Variants in ANKRD30BL observed in about 807,000 individuals in gnomAD.
The protein encoded by ANKRD30BL is putative ankyrin repeat domain-containing protein 30B-like.
In ANKRD30BL, 20 loss-of-function variants were observed where a neutral mutation model predicts 18.4. That is an observed-to-expected ratio of 1.09 (90% CI 0.77 to 1.58). ANKRD30BL has a LOEUF of 1.58. ANKRD30BL is among the 40% of genes most tolerant of loss of function. The probability of loss-of-function intolerance (pLI) is 0.00; values close to 1 mark genes in which losing one functional copy is unlikely to be tolerated. For synonymous variants in ANKRD30BL, 72 were observed against 100.9 expected, an observed-to-expected ratio of 0.71 and a Z score of 1.72; for missense variants, 224 against 268.6, an observed-to-expected ratio of 0.83 and a Z score of 1.16.
intron 1 of ANKRD30BL, among the ~76,000 whole-genome samples, chr2:132,226,907 G>C (rs1198968330): frequency 1.3e-5 from 2 of 151,952 alleles, no homozygotes; most frequent in Non-Finnish European, 1.5e-5. Flanking sequence ...AAACTTCTTT[G>C]TGATGTTTGC....
intron 1 of ANKRD30BL, among the ~76,000 whole-genome samples, chr2:132,195,640 A>C (rs1258810779): frequency 1.3e-5 from 2 of 151,526 alleles, no homozygotes; most frequent in African/African-American, 4.9e-5. Flanking sequence ...AAAATTCAAA[A>C]ATTAGCAGGG....
intron 1 of ANKRD30BL, among the ~76,000 whole-genome samples, chr2:132,206,457 T>C (rs1420206759): frequency 2.0e-5 from 3 of 152,184 alleles, no homozygotes; most frequent in Admixed American, 6.5e-5. Context: ...TCTTCCACTT[T>C]CTGGTTATAT....
chr2:132,230,857 C>T (rs377529504), intron 1 of ANKRD30BL, among the ~76,000 whole-genome samples: 36 of 148,362 alleles, frequency 2.4e-4, no homozygotes, highest in Admixed American at 1.4e-3. Flanking sequence ...GAAACTTCTT[C>T]GTGATGTGTG....
At chr2:132,219,171 T>C (rs1044606655) in intron 1 of ANKRD30BL, among the ~76,000 whole-genome samples, 3 of 152,112 alleles carry the variant, frequency 2.0e-5, no homozygotes, top group African/African-American at 7.2e-5. Context: ...AGAAGCATTC[T>C]CAGAAACTTC....
At chr2:132,233,526 G>T (rs1680077061) in intron 1 of ANKRD30BL, among the ~76,000 whole-genome samples, 1 of 145,338 alleles carries the variant, frequency 6.9e-6, no homozygotes, top group African/African-American at 2.5e-5. Context: ...AAAAGGCAGG[G>T]GTTGCAATCC....
At chr2:132,182,348 G>A (rs1444510955) in intron 1 of ANKRD30BL, among the ~76,000 whole-genome samples, 1 of 151,794 alleles carries the variant, frequency 6.6e-6, no homozygotes, top group Non-Finnish European at 1.5e-5. Context: ...CAGGTGTGGT[G>A]GTGGGTGCCT....
rs532314910 is a variant in ANKRD30BL, at chr2:132,196,387, T to C, written n.442-39241A>G. 7.4e-4 allele frequency among the ~76,000 whole-genome samples: 112 copies of C among 152,014 alleles called. No individual in the cohort carries two copies. In the East Asian group the frequency reaches 0.016, roughly 22 times the overall value. Reference sequence around the variant, plus strand: ...AGAGAATTGATAGAACCCTGGGGGATTGCAGTGAGCAGAGATCACGCCATT... The same window carrying C: ...AGAGAATTGATAGAACCCTGGGGGACTGCAGTGAGCAGAGATCACGCCATT... On this transcript the variant is annotated intron_variant and non_coding_transcript_variant, in intron 1 of 4. Coordinates refer to the ANKRD30BL transcript ENST00000470729.
chr2:132,201,820 C>T lies in ANKRD30BL; in HGVS notation n.442-44674G>A, dbSNP rs1031301931. ...TATACCCAAAGGACTATAAATCATG[C>T]AGCTACAAAGACACATGCACACGTA... On this transcript the variant is annotated intron_variant and non_coding_transcript_variant, in intron 1 of 4. Coordinates refer to the ANKRD30BL transcript ENST00000470729. Among the ~76,000 whole-genome samples, 6 of 152,306 alleles carry T rather than the reference C, an allele frequency of 3.9e-5. No individual in the cohort carries two copies. In the South Asian group the frequency reaches 6.2e-4, roughly 16 times the overall value.
At chr2:132,203,072 A>G (rs1280152301) in intron 1 of ANKRD30BL, among the ~76,000 whole-genome samples, 3 of 152,294 alleles carry the variant, frequency 2.0e-5, no homozygotes, top group Non-Finnish European at 4.4e-5. Flanking sequence ...GGGCTTTTGT[A>G]GCCCGTTCTA....
chr2:132,256,473 C>T (rs796808145), intron 1 of ANKRD30BL, among the ~76,000 whole-genome samples: 1 of 152,228 alleles, frequency 6.6e-6, no homozygotes. Context: ...CACTCATGCG[C>T]GGAGGGCGCG....
chr2:132,248,954 A>G (rs918936456), intron 1 of ANKRD30BL, among the ~76,000 whole-genome samples: 2 of 152,030 alleles, frequency 1.3e-5, no homozygotes, highest in African/African-American at 4.8e-5. Flanking sequence ...TTATGTGATG[A>G]TATTTCCTTT....
At chr2:132,255,949 G>A (rs1403621752) in intron 1 of ANKRD30BL, among the ~76,000 whole-genome samples, 2 of 152,156 alleles carry the variant, frequency 1.3e-5, no homozygotes, top group African/African-American at 2.4e-5. Flanking sequence ...GACGGAGAGG[G>A]GCTGACTGGG....
upstream of ANKRD30BL, among the ~76,000 whole-genome samples, chr2:132,165,917 C>T (rs1688180854): frequency 6.6e-6 from 1 of 151,438 alleles, no homozygotes; most frequent in Admixed American, 6.6e-5. Flanking sequence ...GAAAAAGCAT[C>T]CCATTTCTCA....
At chr2:132,161,453 C>T in intron 1 of ANKRD30BL, 35 bp downstream of exon 1, 10 of 1,432,800 alleles carry the variant, frequency 7.0e-6, no homozygotes, top group Non-Finnish European at 9.6e-6. Flanking sequence ...GCCTCCTCCT[C>T]CTCCTGCAGC....
chr2:132,237,671 A>G (rs62166187), intron 1 of ANKRD30BL, among the ~76,000 whole-genome samples: 4 of 150,616 alleles, frequency 2.7e-5, no homozygotes, highest in Non-Finnish European at 4.4e-5. Flanking sequence ...GATGCTTGCA[A>G]TCAACTCACA....
At chr2:132,191,655 A>G (rs1678852098) in intron 1 of ANKRD30BL, among the ~76,000 whole-genome samples, 1 of 151,774 alleles carries the variant, frequency 6.6e-6, no homozygotes, top group Non-Finnish European at 1.5e-5. Context: ...TCCATCATTC[A>G]TATATCTTTG....
At chr2:132,194,053 TCTCA>T (rs749849030) in intron 1 of ANKRD30BL, among the ~76,000 whole-genome samples, 76 of 108,776 alleles carry the variant, frequency 7.0e-4, no homozygotes, top group Admixed American at 2.0e-3. Flanking sequence ...TCTCTCTCTC[TCTCA>T]CACACACACA....
intron 5 of ANKRD30BL, 31 bp from the exon 6 acceptor site, chr2:132,148,259 C>T (rs1205570001): frequency 3.2e-6 from 5 of 1,574,076 alleles, no homozygotes; most frequent in South Asian, 1.2e-5. Context: ...TTAAATTTTC[C>T]TTCGCTAAAT....
intron 1 of ANKRD30BL, among the ~76,000 whole-genome samples, chr2:132,229,246 A>C (rs1359668083): frequency 6.6e-6 from 1 of 152,112 alleles, no homozygotes; most frequent in Non-Finnish European, 1.5e-5. Context: ...GGACCTTTCG[A>C]GTGCCTTCGG....
Sources: allele counts gnomAD v4.1 joint callset (sites outside exome capture counted in the v4.1 genomes callset), GRCh38; gene constraint gnomAD v4.1.1; transcripts MANE v1.5; gene names NCBI Gene and HGNC (gene_info 2026-07-23, HGNC 2026-07-21).